Variants in ASCC3 observed in about 807,000 individuals in gnomAD.
ASCC3 encodes the protein ASC-1 complex subunit P200.
In ASCC3, 158 loss-of-function variants were observed where a neutral mutation model predicts 256.3. The ratio of observed to expected loss-of-function variants is 0.62; its 90% CI spans 0.54 to 0.70. The LOEUF (loss-of-function observed/expected upper bound fraction) is 0.70. ASCC3 is among the 30% of genes least tolerant of loss of function. ASCC3 has a pLI of 0.00. For missense variants in ASCC3, 2,259 were observed against 2,626.0 expected, an observed-to-expected ratio of 0.86 and a Z score of 3.05; for synonymous variants, 948 against 883.4, an observed-to-expected ratio of 1.07 and a Z score of -1.30.
chr6:100,810,028 A>G (rs1254510255), intron 4 of ASCC3, among the ~76,000 whole-genome samples: 2 of 152,130 alleles, frequency 1.3e-5, no homozygotes, highest in African/African-American at 4.8e-5. Flanking sequence ...AATCCTTCAT[A>G]GTATCCTGAT....
intron 36 of ASCC3, among the ~76,000 whole-genome samples, chr6:100,545,254 C>T (rs537972753): frequency 2.6e-5 from 4 of 151,438 alleles, no homozygotes; most frequent in Admixed American, 6.6e-5. Flanking sequence ...CTCGGTTCAC[C>T]GCAACCTCTA....
At chr6:100,705,107 A>C (rs1778518411) in intron 13 of ASCC3, among the ~76,000 whole-genome samples, 3 of 152,084 alleles carry the variant, frequency 2.0e-5, no homozygotes, top group African/African-American at 7.2e-5. Flanking sequence ...TTAAAGGCTG[A>C]ATCGCCAACT....
At chr6:100,590,147 T>G in intron 34 of ASCC3, 88 bp from the exon 35 acceptor site, 1 of 875,684 alleles carries the variant, frequency 1.1e-6, no homozygotes, top group South Asian at 1.4e-5. Context: ...TATATAAATA[T>G]AATCCCCTTT....
In ASCC3 at chr6:100,799,374, C is replaced by A; in HGVS notation, c.1269+57G>T. On this transcript the variant is annotated intron_variant, in intron 7 of 41. Coordinates refer to ENST00000369162, the MANE Select transcript of ASCC3 (RefSeq NM_006828.4). ...CACGAAGGAACAGGGAAAATCCACA[C>A]ATCATTTCTTTAGAATAGACATATT... The A allele has an allele frequency of 2.5e-6, 4 of 1,585,320 alleles. No individual in the cohort carries two copies. The South Asian group carries it at 4.4e-5, about 18-fold the overall frequency.
At chr6:100,632,546 T>C (rs1774608045) in intron 25 of ASCC3, among the ~76,000 whole-genome samples, 1 of 152,036 alleles carries the variant, frequency 6.6e-6, no homozygotes, top group Non-Finnish European at 1.5e-5. Context: ...GTCAGACGCA[T>C]CACATTTCCT....
At chr6:100,706,227 T>C (rs1778574407) in intron 13 of ASCC3, among the ~76,000 whole-genome samples, 1 of 151,690 alleles carries the variant, frequency 6.6e-6, no homozygotes. Context: ...TTTTTCATTT[T>C]CCGACAGATG....
chr6:100,634,314 C>T (rs527924132), intron 25 of ASCC3, among the ~76,000 whole-genome samples: 1 of 152,116 alleles, frequency 6.6e-6, no homozygotes, highest in African/African-American at 2.4e-5. Context: ...AACTACAGTC[C>T]TTCTACAGTC....
At chr6:100,640,738 C>A (rs1488108560) in intron 24 of ASCC3, among the ~76,000 whole-genome samples, 1 of 152,038 alleles carries the variant, frequency 6.6e-6, no homozygotes, top group African/African-American at 2.4e-5. Flanking sequence ...TCTATGTTGA[C>A]AAGCCTTTTA....
At chr6:100,841,174 C>G (rs1474062909) in intron 4 of ASCC3, among the ~76,000 whole-genome samples, 1 of 152,036 alleles carries the variant, frequency 6.6e-6, no homozygotes, top group Non-Finnish European at 1.5e-5. Context: ...AAGAGCGGAA[C>G]AAAACCCATA....
intron 36 of ASCC3, among the ~76,000 whole-genome samples, chr6:100,572,029 G>A (rs140636850): frequency 1.3e-5 from 2 of 152,284 alleles, no homozygotes; most frequent in African/African-American, 4.8e-5. Context: ...ATGGACTATT[G>A]ACTCTTATAG....
chr6:100,654,934 T>G (rs1775843531), intron 17 of ASCC3, among the ~76,000 whole-genome samples: 1 of 152,022 alleles, frequency 6.6e-6, no homozygotes, highest in African/African-American at 2.4e-5. Flanking sequence ...ATATAAAAAC[T>G]AAGTCATAGT....
intron 36 of ASCC3, among the ~76,000 whole-genome samples, chr6:100,581,260 T>G (rs192493224): frequency 1.1e-4 from 16 of 152,306 alleles, no homozygotes; most frequent in South Asian, 4.1e-4. Context: ...CCTGACTTTT[T>G]AATGATTGCC....
intron 36 of ASCC3, among the ~76,000 whole-genome samples, chr6:100,560,783 A>G (rs1300171501): frequency 4.6e-5 from 7 of 150,900 alleles, no homozygotes; most frequent in African/African-American, 9.9e-5. Flanking sequence ...ACACACACAC[A>G]CACACACACG....
At position 100,629,010 on chromosome 6, in the gene ASCC3, C is replaced by T; in HGVS notation, c.4375+5G>A. The T allele has an allele frequency of 1.2e-6, 2 of 1,611,730 alleles. No homozygotes were observed. Among genetic ancestry groups the T allele is most frequent in the Non-Finnish European group, 1.7e-6 (2 of 1,179,148 alleles). Reference sequence around the variant, plus strand: ...TAAACTGGCTTTAGATACAGTGGTACCTACCAAGCAGATGGATCTCATCTA... The same window carrying T: ...TAAACTGGCTTTAGATACAGTGGTATCTACCAAGCAGATGGATCTCATCTA... On this transcript the variant is annotated splice_donor_5th_base_variant and intron_variant, in intron 27 of 41. Transcript: ENST00000369162.
At chr6:100,512,947 A>G in intron 39 of ASCC3, 29 bp from the exon 40 acceptor site, 1 of 1,589,682 alleles carries the variant, frequency 6.3e-7, no homozygotes, top group Non-Finnish European at 8.6e-7. Flanking sequence ...GAAACAATAA[A>G]GGAGGAGTTT....
chr6:100,527,611 C>T (rs955327785), intron 37 of ASCC3, among the ~76,000 whole-genome samples: 2 of 152,168 alleles, frequency 1.3e-5, no homozygotes, highest in Non-Finnish European at 2.9e-5. Flanking sequence ...GGCAATTCTA[C>T]CTCCTGGCAT....
intron 5 of ASCC3, among the ~76,000 whole-genome samples, chr6:100,805,026 A>G (rs1770099809): frequency 6.6e-6 from 1 of 152,134 alleles, no homozygotes; most frequent in African/African-American, 2.4e-5. Context: ...AGTGGACTGG[A>G]TAACAAAAAT....
At chr6:100,755,849 G>T (rs919727575) in intron 10 of ASCC3, among the ~76,000 whole-genome samples, 1 of 151,764 alleles carries the variant, frequency 6.6e-6, no homozygotes, top group Non-Finnish European at 1.5e-5. Context: ...TACTTTACAT[G>T]GTATACTTCA....
At chr6:100,871,049 A>C (rs1773715109) in intron 1 of ASCC3, among the ~76,000 whole-genome samples, 1 of 152,160 alleles carries the variant, frequency 6.6e-6, no homozygotes, top group Non-Finnish European at 1.5e-5. Context: ...GCAGTAGGTC[A>C]AGGATCGTAG....
Sources: gnomAD v4.1 joint callset for allele counts (sites outside exome capture counted in the v4.1 genomes callset) on GRCh38, gnomAD v4.1.1 for gene constraint, MANE v1.5 for transcripts, NCBI Gene and HGNC (gene_info 2026-07-23, HGNC 2026-07-21) for gene names.